MYPN: variants seen among roughly 807,000 people sequenced by gnomAD.
The protein encoded by MYPN is myopalladin.
In MYPN, 63 loss-of-function variants were observed where a neutral mutation model predicts 129.4. That is an observed-to-expected ratio of 0.49 (90% confidence interval 0.40 to 0.60). MYPN has a LOEUF of 0.60. Among genes scored for constraint, MYPN ranks in the 20% least tolerant of loss-of-function variants. MYPN has a pLI of 0.00. For synonymous variants in MYPN, 629 were observed against 600.9 expected, an observed-to-expected ratio of 1.05 and a Z score of -0.68; for missense variants, 1,596 against 1,635.4, an observed-to-expected ratio of 0.98 and a Z score of 0.42.
intron 12 of MYPN, among the ~76,000 whole-genome samples, chr10:68,185,615 G>T (rs2043408394): frequency 6.6e-6 from 1 of 152,162 alleles, no homozygotes; most frequent in East Asian, 1.9e-4. Flanking sequence ...TCTAGGATCT[G>T]CATGTGGAGT....
At position 68,189,079 on chromosome 10, in the gene MYPN, T is replaced by C; in HGVS notation, c.2878T>C (p.Ser960Pro). ...RLKHFRVTEG[S>P]PVTFTCKIVG... ...CAAGCACTTCCGGGTCACAGAAGGCTCTCCAGTTACATTCACCTGCAAAAT... is the reference window on the plus strand; with the variant it reads ...CAAGCACTTCCGGGTCACAGAAGGCCCTCCAGTTACATTCACCTGCAAAAT... Residue 960 changes from serine (S) to proline (P), a missense_variant, in exon 13 of 20, where the codon TCT becomes CCT. Ser to Pro is a moderately conservative substitution (Grantham distance 74). Coordinates refer to ENST00000358913, the MANE Select transcript of MYPN (RefSeq NM_032578.4). 7 of 1,614,108 alleles carry C rather than the reference T, an allele frequency of 4.3e-6. No homozygotes were observed. In the South Asian group the frequency reaches 6.6e-5, roughly 15 times the overall value.
At chr10:68,182,417 C>CATATATATAACACATATATATAACAT (rs2043343549) in intron 12 of MYPN, among the ~76,000 whole-genome samples, 1 of 86,040 alleles carries the variant, frequency 1.2e-5, no homozygotes, top group Non-Finnish European at 2.7e-5. Flanking sequence ...ATATATATAA[C>CATATATATAACACATATATATAACAT]ATATATATAA....
Position 68,121,790 on chromosome 10 carries a change from T to C in MYPN, c.352T>C (p.Cys118Arg), listed in dbSNP as rs1220485492. ...TAATTTAAGTTTTGAGCCTAACTTC[T>C]GCCAGGATAACCCTCGAAGTCCCAC... ...SPNLSFEPNF[C>R]QDNPRSPTSS... The change falls in exon 2 of 20, where the codon TGC (cysteine) becomes CGC (arginine). Residue 118 changes from cysteine to arginine, a missense_variant. Coordinates refer to ENST00000358913, the MANE Select transcript of MYPN (RefSeq NM_032578.4). The C allele has an allele frequency of 1.2e-6, 2 of 1,614,116 alleles. No homozygotes were observed. Among genetic ancestry groups the C allele is most frequent in the Non-Finnish European group, 8.5e-7 (1 of 1,180,046 alleles).
At chr10:68,198,161 T>C (rs573900725) in intron 16 of MYPN, among the ~76,000 whole-genome samples, 2 of 152,204 alleles carry the variant, frequency 1.3e-5, no homozygotes, top group Admixed American at 1.3e-4. Context: ...ATGGAAGATT[T>C]AGATACAAGC....
At chr10:68,159,093 A>G (rs964751603) in intron 7 of MYPN, among the ~76,000 whole-genome samples, 1 of 152,114 alleles carries the variant, frequency 6.6e-6, no homozygotes, top group Non-Finnish European at 1.5e-5. Flanking sequence ...GCTGCTATAA[A>G]TTTACCTTTT....
At chr10:68,192,017 G>C (rs1410643228) in intron 13 of MYPN, among the ~76,000 whole-genome samples, 1 of 152,010 alleles carries the variant, frequency 6.6e-6, no homozygotes, top group Non-Finnish European at 1.5e-5. Context: ...TAATTACTCT[G>C]GCCAGGACTT....
At chr10:68,137,586 T>A (rs1356075346) in intron 2 of MYPN, among the ~76,000 whole-genome samples, 4 of 152,196 alleles carry the variant, frequency 2.6e-5, no homozygotes, top group Non-Finnish European at 5.9e-5. Context: ...CAAAAGGTGA[T>A]ACATTTTATT....
intron 13 of MYPN, among the ~76,000 whole-genome samples, chr10:68,194,001 A>G (rs1459992163): frequency 2.9e-5 from 1 of 34,982 alleles, no homozygotes; most frequent in Non-Finnish European, 1.1e-4. Context: ...AGGTAATGAG[A>G]ATATCCACTC....
At chr10:68,089,891 A>T (rs899202825) in intron 1 of MYPN, among the ~76,000 whole-genome samples, 2 of 152,152 alleles carry the variant, frequency 1.3e-5, no homozygotes, top group African/African-American at 4.8e-5. Flanking sequence ...ACTTAATGAT[A>T]ATCTTGGATA....
At position 68,136,895 on chromosome 10, in the gene MYPN, C is replaced by CT. The variant is rs2042495588; in HGVS notation, c.903-6039dup. ...ATTAAAGAACAGACCATTTTCAACT[C>CT]TTTTTTGCAATTTTCTGTTTATTTA... On this transcript the variant is annotated intron_variant, in intron 2 of 19. Coordinates refer to ENST00000358913, the MANE Select transcript of MYPN (RefSeq NM_032578.4). Among the ~76,000 whole-genome samples the CT allele has an allele frequency of 2.0e-5, 3 of 152,098 alleles. No homozygotes were observed. In the South Asian group the frequency reaches 6.2e-4, roughly 31 times the overall value.
intron 1 of MYPN, among the ~76,000 whole-genome samples, chr10:68,114,996 C>A (rs191989802): frequency 6.6e-6 from 1 of 152,056 alleles, no homozygotes; most frequent in Non-Finnish European, 1.5e-5. Context: ...TGGTGGCTCA[C>A]GCCTGTAATC....
At chr10:68,124,328 T>G (rs2042294455) in intron 2 of MYPN, among the ~76,000 whole-genome samples, 1 of 152,228 alleles carries the variant, frequency 6.6e-6, no homozygotes, top group Admixed American at 6.5e-5. Flanking sequence ...CAAGAGTTAC[T>G]TTGTGTTTGT....
At chr10:68,112,711 A>G (rs1449793036) in intron 1 of MYPN, among the ~76,000 whole-genome samples, 3 of 152,222 alleles carry the variant, frequency 2.0e-5, no homozygotes, top group African/African-American at 7.2e-5. Flanking sequence ...TTATTGACAT[A>G]TCATTTCCAT....
At position 68,174,705 on chromosome 10, in the gene MYPN, T is replaced by A. The variant is rs773531558; in HGVS notation, c.2564+49T>A. ...ATGTAAGATGCTAGTTAAGAGTCGA[T>A]GTGCACATTGAATAGCTTGATCTGA... is the stretch of plus-strand genomic sequence containing the variant. On this transcript the variant is annotated intron_variant, in intron 11 of 19. Transcript: ENST00000358913. 2.4e-5 allele frequency: 38 copies of A among 1,556,166 alleles called. No individual in the cohort carries two copies. In the East Asian group the frequency reaches 8.1e-4, roughly 33 times the overall value.
At chr10:68,178,244 C>G (rs907054955) in intron 12 of MYPN, among the ~76,000 whole-genome samples, 1 of 152,208 alleles carries the variant, frequency 6.6e-6, no homozygotes, top group Non-Finnish European at 1.5e-5. Context: ...TCTAAACTTA[C>G]AACAAAGTGT....
At chr10:68,143,379 A>G (rs994524968) in intron 3 of MYPN, among the ~76,000 whole-genome samples, 1 of 152,204 alleles carries the variant, frequency 6.6e-6, no homozygotes, top group African/African-American at 2.4e-5. Flanking sequence ...ACAAAAACCA[A>G]GAAAAAGAGA....
At chr10:68,172,740 A>G (rs189175592) in intron 10 of MYPN, among the ~76,000 whole-genome samples, 1 of 152,274 alleles carries the variant, frequency 6.6e-6, no homozygotes, top group Non-Finnish European at 1.5e-5. Flanking sequence ...TCATCATTCA[A>G]ATTAGGACAT....
Position 68,132,125 on chromosome 10 carries a change from G to C in MYPN, c.902+9785G>C, listed in dbSNP as rs138282814. Among the ~76,000 whole-genome samples the C allele has an allele frequency of 3.6e-3, 547 of 152,230 alleles. 8 individuals carry two copies. The highest frequency in any genetic ancestry group is 0.013 in the African/African-American group (520 of 41,552). On this transcript the variant is annotated intron_variant, in intron 2 of 19. Transcript: ENST00000358913. The stretch of plus-strand genomic sequence containing the variant: ...CTGATCTTGAAGAGAATGCTTTCTA[G>C]CTCTATAATAACATATTATGTAGGA...
chr10:68,148,458 C>A lies in MYPN; in HGVS notation c.1236C>A (p.Thr412=), dbSNP rs151220474. ...QHLVAQPRVA[T]IQQCQSPTNY... is the part of the protein sequence containing the mutation. ...TGGTGGCCCAACCTCGTGTGGCAAC[C>A]ATCCAGCAGGTACAAGAATCCAAGC... Residue 412 remains threonine (T), a synonymous_variant, in exon 5 of 20, where the codon ACC becomes ACA. Coordinates refer to ENST00000358913, the MANE Select transcript of MYPN (RefSeq NM_032578.4). The A allele has an allele frequency of 4.9e-4, 794 of 1,613,590 alleles. No homozygotes were observed. The highest frequency in any genetic ancestry group is 5.4e-4 in the Non-Finnish European group (639 of 1,179,612).
Sources: gnomAD v4.1 joint callset for allele counts (sites outside exome capture counted in the v4.1 genomes callset) on GRCh38, gnomAD v4.1.1 for gene constraint, MANE v1.5 for transcripts, NCBI Gene and HGNC (gene_info 2026-07-23, HGNC 2026-07-21) for gene names.